Variants in GAB1 observed in about 807,000 individuals in gnomAD.
GAB1 encodes GRB2-associated-binding protein 1.
A neutral mutation model predicts 66.5 loss-of-function variants in GAB1; 19 were observed. The ratio of observed to expected loss-of-function variants is 0.29; its 90% CI spans 0.20 to 0.42. GAB1 has a LOEUF of 0.42. Ranked by LOEUF, GAB1 falls within the 10% of genes least tolerant of loss-of-function variation. The pLI, the probability that GAB1 is intolerant of heterozygous loss-of-function variation, is 1.00. For synonymous variants in GAB1, 294 were observed against 301.4 expected, an observed-to-expected ratio of 0.98 and a Z score of 0.25; for missense variants, 732 against 858.5, an observed-to-expected ratio of 0.85 and a Z score of 1.84.
chr4:143,457,628 T>A, intron 6 of GAB1: 1 of 691,994 alleles, frequency 1.4e-6, no homozygotes, highest in Non-Finnish European at 2.2e-6. Context: ...AGAATCCATT[T>A]TCCAATTAAT....
intron 3 of GAB1, among the ~76,000 whole-genome samples, chr4:143,434,465 C>T: frequency 6.6e-6 from 1 of 150,486 alleles, no homozygotes; most frequent in Non-Finnish European, 1.5e-5. Context: ...AGTATTCCTT[C>T]TGCCTCAGCC....
chr4:143,433,470 A>G (rs1578707820), intron 2 of GAB1, 21 bp from the exon 3 acceptor site: 3 of 1,575,624 alleles, frequency 1.9e-6, no homozygotes, highest in Non-Finnish European at 2.6e-6. Context: ...TAGACGTGAT[A>G]GTTAAACTTT....
intron 2 of GAB1, among the ~76,000 whole-genome samples, chr4:143,430,405 A>G (rs964559004): frequency 6.6e-6 from 1 of 152,246 alleles, no homozygotes; most frequent in Non-Finnish European, 1.5e-5. Context: ...TCCCTAAGAT[A>G]TAACCTGAAG....
At chr4:143,351,383 G>A (rs1200306606) in intron 1 of GAB1, among the ~76,000 whole-genome samples, 1 of 152,178 alleles carries the variant, frequency 6.6e-6, no homozygotes, top group Non-Finnish European at 1.5e-5. Context: ...GCCATACCCC[G>A]AGTTGTTCGG....
chr4:143,432,858 C>G (rs1733731141), intron 2 of GAB1, among the ~76,000 whole-genome samples: 1 of 152,174 alleles, frequency 6.6e-6, no homozygotes, highest in African/African-American at 2.4e-5. Flanking sequence ...TGCTGGACCT[C>G]TTTCCATGAA....
At chr4:143,339,073 A>G (rs910930957) in intron 1 of GAB1, among the ~76,000 whole-genome samples, 1 of 152,254 alleles carries the variant, frequency 6.6e-6, no homozygotes, top group African/African-American at 2.4e-5. Context: ...AAAGGAAAGT[A>G]TAATTTGATC....
At chr4:143,463,957 C>A (rs1229906874) in intron 8 of GAB1, among the ~76,000 whole-genome samples, 1 of 152,138 alleles carries the variant, frequency 6.6e-6, no homozygotes, top group Non-Finnish European at 1.5e-5. Context: ...TTATGCATTT[C>A]TTTTATAGCC....
chr4:143,391,908 A>T (rs1184467337), intron 1 of GAB1, among the ~76,000 whole-genome samples: 1 of 152,232 alleles, frequency 6.6e-6, no homozygotes, highest in African/African-American at 2.4e-5. Flanking sequence ...TTTTAAATAC[A>T]TATATGAATT....
intron 1 of GAB1, chr4:143,350,076 AG>A: frequency 1.4e-6 from 2 of 1,469,324 alleles, no homozygotes; most frequent in Non-Finnish European, 1.8e-6. Flanking sequence ...CAGGGCCACC[AG>A]GGCCTCCGGG....
intron 1 of GAB1, among the ~76,000 whole-genome samples, chr4:143,386,624 G>A (rs1408704698): frequency 6.6e-6 from 1 of 152,160 alleles, no homozygotes; most frequent in African/African-American, 2.4e-5. Flanking sequence ...CTGGGCTCAA[G>A]CAATCCATCT....
chr4:143,457,610 T>G, intron 6 of GAB1: 2 of 568,018 alleles, frequency 3.5e-6, no homozygotes. Context: ...TTTTTTTTTT[T>G]TTTTTACAGA....
intron 1 of GAB1, among the ~76,000 whole-genome samples, chr4:143,352,241 T>G (rs1729256757): frequency 6.6e-6 from 1 of 152,208 alleles, no homozygotes; most frequent in Admixed American, 6.5e-5. Context: ...CCACCCAGCT[T>G]GTTTACTTTT....
chr4:143,386,218 G>C (rs1730902564), intron 1 of GAB1, among the ~76,000 whole-genome samples: 1 of 152,144 alleles, frequency 6.6e-6, no homozygotes, highest in Admixed American at 6.5e-5. Context: ...TGGAAGAGTT[G>C]AGTATCCAAA....
intron 6 of GAB1, among the ~76,000 whole-genome samples, chr4:143,442,175 A>T (rs2149761724): frequency 1.3e-5 from 2 of 152,368 alleles, no homozygotes; most frequent in South Asian, 4.1e-4. Context: ...ATTGAGATAT[A>T]AGTGTCATGA....
intron 6 of GAB1, among the ~76,000 whole-genome samples, chr4:143,449,041 T>A (rs1240891003): frequency 6.6e-6 from 1 of 151,804 alleles, no homozygotes; most frequent in Non-Finnish European, 1.5e-5. Flanking sequence ...CTTCATTTCG[T>A]TATGTACCCA....
intron 1 of GAB1, among the ~76,000 whole-genome samples, chr4:143,337,905 G>A (rs951732418): frequency 6.6e-6 from 1 of 152,222 alleles, no homozygotes; most frequent in Non-Finnish European, 1.5e-5. Context: ...TGGCCCGGGA[G>A]CCTTGGCGGT....
At chr4:143,401,153 T>G (rs1731751146) in intron 1 of GAB1, among the ~76,000 whole-genome samples, 1 of 152,208 alleles carries the variant, frequency 6.6e-6, no homozygotes, top group Admixed American at 6.5e-5. Flanking sequence ...ATAAGTAGAT[T>G]GTCTAGTAAA....
intron 9 of GAB1, among the ~76,000 whole-genome samples, chr4:143,467,483 G>GT (rs1560791741): frequency 1.3e-5 from 2 of 152,098 alleles, no homozygotes; most frequent in African/African-American, 4.8e-5. Context: ...ATGAAATTCT[G>GT]TTTGGGTCTT....
intron 1 of GAB1, among the ~76,000 whole-genome samples, chr4:143,378,531 T>C (rs1730510559): frequency 6.6e-6 from 1 of 152,174 alleles, no homozygotes; most frequent in South Asian, 2.1e-4. Context: ...AGTAAGGTCC[T>C]ATTTCGCTCA....
Sources: gnomAD v4.1 joint callset for allele counts (sites outside exome capture counted in the v4.1 genomes callset) on GRCh38, gnomAD v4.1.1 for gene constraint, MANE v1.5 for transcripts, NCBI Gene and HGNC (gene_info 2026-07-23, HGNC 2026-07-21) for gene names.